Variants in FRYL observed in about 807,000 individuals in gnomAD.
FRYL encodes the protein protein furry homolog-like.
Under a neutral mutation model 351.2 loss-of-function variants are expected in FRYL, and 150 were observed. The ratio of observed to expected loss-of-function variants is 0.43; its 90% CI spans 0.37 to 0.49. The LOEUF (loss-of-function observed/expected upper bound fraction) is 0.49, where lower values mean the gene tolerates loss of function less well. Among genes scored for constraint, FRYL ranks in the 20% least tolerant of loss-of-function variants. The pLI, the probability that FRYL is intolerant of heterozygous loss-of-function variation, is 0.00. For synonymous variants in FRYL, 1,153 were observed against 1,257.1 expected (o/e 0.92, Z 1.75); for missense variants, 3,036 against 3,619.3 (o/e 0.84, Z 4.13).
At position 48,535,825 on chromosome 4, in the gene FRYL, A is replaced by G; in HGVS notation, c.6396T>C (p.Val2132=). 1.3e-6 allele frequency: 2 copies of G among 1,507,394 alleles called. No individual in the cohort carries two copies. The highest frequency in any genetic ancestry group is 1.4e-5 in the South Asian group (1 of 73,826). 93.4% of individuals were successfully genotyped at this position (1,507,394 alleles called of 1,614,324 possible). The change falls in exon 48 of 64, where the codon GTT becomes GTC. Residue 2132 remains valine, a splice_region_variant and synonymous_variant. Transcript: ENST00000358350. The part of the protein sequence containing the change: ...CKETASRIAK[V]CAEEKCPTLV... ...GTGTTGGGCATTTTTCTTCTGCACA[A>G]ACCTAGAAAACAAATAAAATTATTT...
At chr4:48,622,997 T>C in intron 5 of FRYL, 129 bp downstream of exon 5, 1 of 617,314 alleles carries the variant, frequency 1.6e-6, no homozygotes, top group Non-Finnish European at 2.8e-6. Context: ...CTATCAAATC[T>C]AGAATGAATT....
At position 48,557,001 on chromosome 4, in the gene FRYL, T is replaced by C; in HGVS notation, c.4243A>G (p.Ser1415Gly). 6.2e-7 allele frequency: 1 copy of C among 1,602,878 alleles called. No homozygotes were observed. Among genetic ancestry groups the C allele is most frequent in the East Asian group, 2.2e-5 (1 of 44,694 alleles). Residue 1415 changes from serine to glycine, a missense_variant, in exon 35 of 64, where the codon AGC (serine) becomes GGC (glycine). Ser to Gly is a moderately conservative substitution (Grantham distance 56, BLOSUM62 0). This residue lies in a region of FRYL where 1,987 missense variants were observed against 2,311.7 expected (regional missense o/e 0.86). Transcript: ENST00000358350. ...HFLISICGVN[S>G]EPSLLPYVKK... ...ACGTAAGGCAAGAGGCTTGGTTCGC[T>C]ATTCACCCCACAAATGCTGATCAAA...
intron 9 of FRYL, among the ~76,000 whole-genome samples, chr4:48,608,015 A>G (rs1350618012): frequency 2.0e-5 from 3 of 152,208 alleles, no homozygotes; most frequent in African/African-American, 7.2e-5. Flanking sequence ...TTTTTGTGTC[A>G]ATTTAATTCC....
intron 1 of FRYL, among the ~76,000 whole-genome samples, chr4:48,754,730 T>C (rs1486245794): frequency 3.3e-5 from 5 of 150,232 alleles, no homozygotes; most frequent in Non-Finnish European, 7.4e-5. Flanking sequence ...TGCAGTGGCA[T>C]GATCTTGGCG....
At chr4:48,728,272 T>C (rs1382054579) in intron 1 of FRYL, among the ~76,000 whole-genome samples, 1 of 151,680 alleles carries the variant, frequency 6.6e-6, no homozygotes, top group Non-Finnish European at 1.5e-5. Context: ...TAGCAAAAAA[T>C]ATATATATCT....
chr4:48,713,526 G>A (rs1303563053), intron 1 of FRYL, among the ~76,000 whole-genome samples: 2 of 152,086 alleles, frequency 1.3e-5, no homozygotes, highest in East Asian at 3.9e-4. Flanking sequence ...GACAAAGAAG[G>A]CCATTACATA....
intron 3 of FRYL, among the ~76,000 whole-genome samples, chr4:48,678,284 GA>G (rs1189695950): frequency 5.3e-5 from 8 of 151,486 alleles, no homozygotes; most frequent in African/African-American, 1.7e-4. Flanking sequence ...AAAAATGGTT[GA>G]AAAAATTAAC....
At chr4:48,734,421 T>C (rs769305631) in intron 1 of FRYL, among the ~76,000 whole-genome samples, 11 of 152,324 alleles carry the variant, frequency 7.2e-5, no homozygotes, top group South Asian at 2.1e-4. Context: ...GAAAAACTGA[T>C]AGAATTACAT....
intron 58 of FRYL, 128 bp downstream of exon 58, chr4:48,510,707 A>G (rs1722290956): frequency 4.0e-6 from 3 of 756,098 alleles, no homozygotes; most frequent in Non-Finnish European, 6.8e-6. Context: ...AGTTTGCCAC[A>G]TATTTATAAT....
chr4:48,509,049 G>C (rs1441091480), intron 59 of FRYL, among the ~76,000 whole-genome samples: 1 of 152,116 alleles, frequency 6.6e-6, no homozygotes, highest in African/African-American at 2.4e-5. Flanking sequence ...ATCTACCTTT[G>C]CTTCTAGTAG....
At chr4:48,778,487 T>A (rs1776261842) in intron 1 of FRYL, among the ~76,000 whole-genome samples, 1 of 152,246 alleles carries the variant, frequency 6.6e-6, no homozygotes, top group Non-Finnish European at 1.5e-5. Flanking sequence ...ACACACCCAC[T>A]GCTACTTTGT....
intron 4 of FRYL, among the ~76,000 whole-genome samples, chr4:48,632,108 A>ATATATATGTATATG: frequency 1.6e-5 from 1 of 64,392 alleles, no homozygotes; most frequent in Non-Finnish European, 3.4e-5. Context: ...ATATATATAT[A>ATATATATGTATATG]TATATATATA....
Position 48,736,727 on chromosome 4 carries a change from G to A in FRYL, c.-383-26029C>T, listed in dbSNP as rs1301713409. Reference sequence around the variant, plus strand: ...TAGTCAGGCATGGTGGCGAGCACCTGTAACCTCAGCTACTTGGGAGGCTGA... The same window carrying A: ...TAGTCAGGCATGGTGGCGAGCACCTATAACCTCAGCTACTTGGGAGGCTGA... On this transcript the variant is annotated intron_variant, in intron 1 of 63. Coordinates refer to ENST00000358350, the MANE Select transcript of FRYL (RefSeq NM_015030.2). 4.0e-5 allele frequency among the ~76,000 whole-genome samples: 6 copies of A among 150,836 alleles called. No individual in the cohort carries two copies. The East Asian group carries it at 1.2e-3, about 30-fold the overall frequency.
At chr4:48,747,920 G>A (rs554040424) in intron 1 of FRYL, among the ~76,000 whole-genome samples, 14 of 152,154 alleles carry the variant, frequency 9.2e-5, no homozygotes, top group Admixed American at 5.9e-4. Flanking sequence ...AGAATGTTGC[G>A]AGCCCTGTGT....
intron 3 of FRYL, chr4:48,653,911 G>A (rs950996265): frequency 8.0e-7 from 1 of 1,246,508 alleles, no homozygotes; most frequent in African/African-American, 1.6e-5. Flanking sequence ...ACAGGCAGCA[G>A]AGTTTTGGCC....
At chr4:48,538,670 TTTTCTGGGG>T (rs1729433022) in intron 47 of FRYL, among the ~76,000 whole-genome samples, 1 of 152,174 alleles carries the variant, frequency 6.6e-6, no homozygotes, top group African/African-American at 2.4e-5. Context: ...ATAAAAAGCT[TTTTCTGGGG>T]ATTTTATTTG....
intron 3 of FRYL, among the ~76,000 whole-genome samples, chr4:48,684,085 A>C (rs779129948): frequency 5.9e-5 from 9 of 152,182 alleles, no homozygotes; most frequent in Non-Finnish European, 1.0e-4. Context: ...GGAGAGAGCA[A>C]GGGGTTAAGG....
chr4:48,689,405 A>C (rs1765477758), intron 2 of FRYL, among the ~76,000 whole-genome samples: 1 of 152,232 alleles, frequency 6.6e-6, no homozygotes, highest in South Asian at 2.1e-4. Flanking sequence ...AATGGAATTC[A>C]ACTACAAATT....
At chr4:48,771,786 A>G (rs1775541732) in intron 1 of FRYL, among the ~76,000 whole-genome samples, 1 of 150,406 alleles carries the variant, frequency 6.6e-6, no homozygotes, top group Admixed American at 6.6e-5. Context: ...ACATGCTGTC[A>G]TTTTTATCCA....
Sources: allele counts gnomAD v4.1 joint callset (sites outside exome capture counted in the v4.1 genomes callset), GRCh38; gene constraint gnomAD v4.1.1; regional missense constraint gnomAD v4.1.1; transcripts MANE v1.5; gene names NCBI Gene and HGNC (gene_info 2026-07-23, HGNC 2026-07-21).